The following GPR141 variants were observed in gnomAD, a reference collection of about 807,000 sequenced individuals.
GPR141 encodes the protein G protein-coupled receptor 141, also known as probable G protein-coupled receptor 141.
A neutral mutation model predicts 6.8 loss-of-function variants in GPR141; 6 were observed. That is an observed-to-expected ratio of 0.88 (90% confidence interval 0.48 to 1.74). GPR141 has a LOEUF of 1.74. Ranked by LOEUF, GPR141 falls within the 40% of genes most tolerant of loss-of-function variation. The pLI is 0.01. For missense variants in GPR141, 372 were observed against 372.9 expected, an observed-to-expected ratio of 1.00 and a Z score of 0.02; for synonymous variants, 140 against 142.3, an observed-to-expected ratio of 0.98 and a Z score of 0.11.
intron 2 of GPR141, among the ~76,000 whole-genome samples, chr7:37,734,840 G>A (rs1812157059): frequency 6.6e-6 from 1 of 152,322 alleles, no homozygotes; most frequent in African/African-American, 2.4e-5. Context: ...GCAAGAAAGA[G>A]CTTGAGGCAT....
chr7:37,740,847 G>T lies in GPR141; in HGVS notation c.454G>T (p.Val152Phe). The stretch of plus-strand genomic sequence containing the variant: ...GATTGTCATTGTGGTACCCCTGGTT[G>T]TCTCCCGGTATGGAATCCATGAGGA... ...LVIVIVVPLVVSRYGIHEEYN... is the reference protein window; with the variant it reads ...LVIVIVVPLVFSRYGIHEEYN... Residue 152 changes from valine to phenylalanine, a missense_variant, in exon 3 of 3, where the codon GTC becomes TTC. Physicochemically the swap from Val to Phe is conservative, Grantham distance 50. Transcript: ENST00000334425. 1 of 1,614,172 alleles carries T rather than the reference G, an allele frequency of 6.2e-7. No individual in the cohort carries two copies. The highest frequency in any genetic ancestry group is 1.1e-5 in the South Asian group (1 of 91,084).
At chr7:37,724,047 C>T (rs541173138) in intron 2 of GPR141, among the ~76,000 whole-genome samples, 2 of 152,190 alleles carry the variant, frequency 1.3e-5, no homozygotes, top group Non-Finnish European at 2.9e-5. Flanking sequence ...GCCCTGGGTG[C>T]CTTGCAGAGC....
chr7:37,701,399 G>A (rs1383050598), intron 2 of GPR141, among the ~76,000 whole-genome samples: 4 of 152,086 alleles, frequency 2.6e-5, no homozygotes, highest in Non-Finnish European at 4.4e-5. Flanking sequence ...CCCAGGGAAA[G>A]GCCTTTGAGA....
Position 37,741,191 on chromosome 7 carries a change from C to A in GPR141, c.798C>A (p.Asn266Lys), listed in dbSNP as rs146749644. 6.2e-7 allele frequency: 1 copy of A among 1,613,686 alleles called. No individual in the cohort carries two copies. The highest frequency in any genetic ancestry group is 8.5e-7 in the Non-Finnish European group (1 of 1,179,644). The stretch of plus-strand genomic sequence containing the variant: ...GTAACAGCAAGGTTGCATTTTATAA[C>A]GAAATCTTCTTGAGTGTAACAGCAA... ...NACNSKVAFY[N>K]EIFLSVTAIS... is the part of the protein sequence containing the mutation. The change falls in exon 3 of 3, where the codon AAC becomes AAA. Residue 266 changes from asparagine (N) to lysine (K), a missense_variant. Transcript: ENST00000334425.
chr7:37,733,654 A>T (rs537269849), intron 2 of GPR141, among the ~76,000 whole-genome samples: 44 of 146,142 alleles, frequency 3.0e-4, no homozygotes, highest in Non-Finnish European at 5.9e-4. Context: ...CCTGGGTGAC[A>T]GAGTGAAACT....
At chr7:37,694,739 A>C (rs1172111661) in intron 2 of GPR141, among the ~76,000 whole-genome samples, 2 of 152,140 alleles carry the variant, frequency 1.3e-5, no homozygotes, top group Non-Finnish European at 2.9e-5. Flanking sequence ...TTCTCACAGG[A>C]ATTAATAGAG....
rs1456937586 is a variant in GPR141 at position 37,683,771 on chromosome 7, G to C, written c.-271G>C. 1 of 152,184 alleles carries C rather than the reference G, an allele frequency of 6.6e-6. No individual in the cohort carries two copies. Among genetic ancestry groups the C allele is most frequent in the African/African-American group, 2.4e-5 (1 of 41,426 alleles). 9.4% of individuals were successfully genotyped at this position (152,184 alleles called of 1,614,324 possible). ...TTCACTTCCTTTTGCTTGGTGAGCT[G>C]TCCAGAGCCTTTGCAAATGCATGCA... On this transcript the variant is annotated 5_prime_UTR_variant, in exon 1 of 3. Transcript: ENST00000334425.
intron 2 of GPR141, among the ~76,000 whole-genome samples, chr7:37,737,451 T>A (rs998492754): frequency 1.3e-5 from 2 of 152,216 alleles, no homozygotes; most frequent in Non-Finnish European, 2.9e-5. Flanking sequence ...AACATACTAC[T>A]GTCTTGTCAA....
At chr7:37,711,267 T>A (rs1240571508) in intron 2 of GPR141, among the ~76,000 whole-genome samples, 7 of 152,156 alleles carry the variant, frequency 4.6e-5, no homozygotes, top group Admixed American at 4.6e-4. Context: ...CAGGTCTGGG[T>A]GGGGCCCTGG....
intron 2 of GPR141, among the ~76,000 whole-genome samples, chr7:37,693,180 T>C (rs539222260): frequency 1.1e-4 from 17 of 152,328 alleles, no homozygotes; most frequent in Middle Eastern, 6.8e-3. Flanking sequence ...AATTTTTGTA[T>C]AAGGTGTAAG....
At chr7:37,712,320 A>G (rs1810837983) in intron 2 of GPR141, among the ~76,000 whole-genome samples, 1 of 152,146 alleles carries the variant, frequency 6.6e-6, no homozygotes, top group Non-Finnish European at 1.5e-5. Context: ...GCTGGCCTGA[A>G]TCGGTGGTAT....
Position 37,741,090 on chromosome 7 carries a change from G to A in GPR141, c.697G>A (p.Val233Ile), listed in dbSNP as rs1246324219. 6.2e-7 allele frequency: 1 copy of A among 1,613,876 alleles called. No individual in the cohort carries two copies. Among genetic ancestry groups the A allele is most frequent in the Admixed American group, 1.7e-5 (1 of 60,008 alleles). ...GCTGAAAAACCTATTTTTTATAGGG[G>A]TCATCCTTGTTTGTTTCCTTCCCTA... ...AQLKNLFFIGVILVCFLPYQF... is the reference protein window; with the variant it reads ...AQLKNLFFIGIILVCFLPYQF... Residue 233 changes from valine to isoleucine, a missense_variant, in exon 3 of 3, where the codon GTC becomes ATC. Transcript: ENST00000334425.
rs1037842122 is a variant in GPR141, at chr7:37,743,805, C to A, written c.*2494C>A. Among the ~76,000 whole-genome samples the A allele has an allele frequency of 6.6e-6, 1 of 152,018 alleles. No individual in the cohort carries two copies. Among genetic ancestry groups the A allele is most frequent in the Admixed American group, 6.6e-5 (1 of 15,258 alleles). ...TCATAATATAAAATATCTTTTTCATCAGTATTTATGGAATAAATAGAAAAA... is the reference window on the plus strand; with the variant it reads ...TCATAATATAAAATATCTTTTTCATAAGTATTTATGGAATAAATAGAAAAA... On this transcript the variant is annotated 3_prime_UTR_variant, in exon 3 of 3. Coordinates refer to ENST00000334425, the MANE Select transcript of GPR141 (RefSeq NM_001381946.1).
At chr7:37,705,303 A>G (rs1810478626) in intron 2 of GPR141, among the ~76,000 whole-genome samples, 1 of 152,186 alleles carries the variant, frequency 6.6e-6, no homozygotes, top group African/African-American at 2.4e-5. Context: ...TAATACTCTA[A>G]ATGTTGGTTT....
At chr7:37,691,288 C>CTTTT (rs1562764892) in intron 2 of GPR141, among the ~76,000 whole-genome samples, 74 of 63,058 alleles carry the variant, frequency 1.2e-3, no homozygotes, top group Middle Eastern at 0.023. Flanking sequence ...AGTCTATATC[C>CTTTT]TTTTTTTTTT....
intron 2 of GPR141, among the ~76,000 whole-genome samples, chr7:37,697,433 C>A (rs762910164): frequency 3.3e-5 from 5 of 152,170 alleles, no homozygotes; most frequent in Admixed American, 6.5e-5. Context: ...ATTTTAAAAA[C>A]TTTAAAGCCT....
rs549416551 is a variant in GPR141, at chr7:37,698,740, T to TAGA, written c.-15+13157_-15+13158insAGA. On this transcript the variant is annotated intron_variant, in intron 2 of 2. Transcript: ENST00000334425. ...GCAATAGACTTGTTTTGTACCACTTTGTCATGGCCTTAGAGTGATCTTACT... is the reference window on the plus strand; with the variant it reads ...GCAATAGACTTGTTTTGTACCACTTTAGAGTCATGGCCTTAGAGTGATCTTACT... 7.1e-3 allele frequency among the ~76,000 whole-genome samples: 1,079 copies of TAGA among 152,368 alleles called. 20 individuals carry two copies. Among genetic ancestry groups the TAGA allele is most frequent in the Non-Finnish European group, 4.1e-3 (279 of 68,038 alleles).
chr7:37,733,518 A>G (rs1396608735), intron 2 of GPR141, among the ~76,000 whole-genome samples: 1 of 152,000 alleles, frequency 6.6e-6, no homozygotes, highest in African/African-American at 2.4e-5. Flanking sequence ...CTATAATACA[A>G]AAAATAAGCC....
At chr7:37,690,323 T>C in intron 2 of GPR141, among the ~76,000 whole-genome samples, 1 of 152,126 alleles carries the variant, frequency 6.6e-6, no homozygotes, top group Admixed American at 6.5e-5. Flanking sequence ...TGGGAGGTGT[T>C]TGGGTCGTGG....
Sources: allele counts gnomAD v4.1 joint callset (sites outside exome capture counted in the v4.1 genomes callset), GRCh38; gene constraint gnomAD v4.1.1; transcripts MANE v1.5; gene names NCBI Gene and HGNC (gene_info 2026-07-23, HGNC 2026-07-21).